The following MAML2 variants were observed in gnomAD, a reference collection of about 807,000 sequenced individuals.
MAML2 encodes mastermind-like protein 2.
A neutral mutation model predicts 96.1 loss-of-function variants in MAML2; 22 were observed. The ratio of observed to expected loss-of-function variants is 0.23; its 90% CI spans 0.16 to 0.33. The LOEUF (loss-of-function observed/expected upper bound fraction) is 0.33. Among genes scored for constraint, MAML2 ranks in the 10% least tolerant of loss-of-function variants. MAML2 has a pLI of 1.00. For missense variants in MAML2, 1,367 were observed against 1,392.4 expected (o/e 0.98, Z 0.29); for synonymous variants, 561 against 521.3 (o/e 1.08, Z -1.04).
chr11:96,113,607 AAAAAAAAAAAAG>A (rs1860173246), intron 1 of MAML2, among the ~76,000 whole-genome samples: 1 of 151,150 alleles, frequency 6.6e-6, no homozygotes, highest in East Asian at 1.9e-4. Context: ...GTTGTTTGAA[AAAAAAAAAAAAG>A]AAAAGAAAAA....
intron 1 of MAML2, among the ~76,000 whole-genome samples, chr11:96,230,212 A>T (rs1862273557): frequency 6.6e-6 from 1 of 152,226 alleles, no homozygotes; most frequent in African/African-American, 2.4e-5. Flanking sequence ...AGTCTAGGAT[A>T]GAATATGAGT....
At chr11:96,141,130 G>A (rs1860724338) in intron 1 of MAML2, among the ~76,000 whole-genome samples, 1 of 152,060 alleles carries the variant, frequency 6.6e-6, no homozygotes, top group Non-Finnish European at 1.5e-5. Context: ...GGTATATGGG[G>A]GAAGAAGGAT....
At chr11:96,332,712 G>A (rs181147149) in intron 1 of MAML2, among the ~76,000 whole-genome samples, 2 of 152,158 alleles carry the variant, frequency 1.3e-5, no homozygotes, top group Non-Finnish European at 2.9e-5. Context: ...AGACTTAGCC[G>A]GTTTAGCAAG....
intron 2 of MAML2, among the ~76,000 whole-genome samples, 189 bp from the exon 3 acceptor site, chr11:95,991,912 G>A (rs956857884): frequency 3.9e-5 from 6 of 152,138 alleles, no homozygotes; most frequent in African/African-American, 9.7e-5. Context: ...AGCAACCAAA[G>A]CAGCTGGGTT....
At chr11:96,025,205 A>G (rs12275999) in intron 2 of MAML2, among the ~76,000 whole-genome samples, 34,218 of 152,206 alleles carry the variant, frequency 0.22, 4,667 homozygotes, top group Non-Finnish European at 0.32. Context: ...ACACCATGGA[A>G]TACCCCACAG....
intron 1 of MAML2, among the ~76,000 whole-genome samples, chr11:96,244,628 G>A (rs1862487126): frequency 1.3e-5 from 2 of 152,110 alleles, no homozygotes; most frequent in Non-Finnish European, 2.9e-5. Flanking sequence ...TTCTTTACAT[G>A]CATTATTTCA....
intron 1 of MAML2, among the ~76,000 whole-genome samples, chr11:96,328,578 T>C (rs1240598276): frequency 6.6e-6 from 1 of 151,496 alleles, no homozygotes; most frequent in Non-Finnish European, 1.5e-5. Flanking sequence ...CATAAAGAAG[T>C]GACTGGAAGA....
intron 2 of MAML2, among the ~76,000 whole-genome samples, chr11:96,039,804 A>C (rs1458313760): frequency 6.6e-6 from 1 of 152,024 alleles, no homozygotes; most frequent in Non-Finnish European, 1.5e-5. Context: ...CTCAAAATAC[A>C]AAAATTAGCC....
chr11:96,326,664 G>T (rs1863789081), intron 1 of MAML2, among the ~76,000 whole-genome samples: 1 of 151,978 alleles, frequency 6.6e-6, no homozygotes, highest in Non-Finnish European at 1.5e-5. Context: ...CAGGTATGGT[G>T]TGATGGGCCC....
intron 2 of MAML2, among the ~76,000 whole-genome samples, chr11:96,080,816 T>C (rs1049557981): frequency 6.6e-6 from 1 of 152,214 alleles, no homozygotes; most frequent in South Asian, 2.1e-4. Flanking sequence ...TTTTGTTCTA[T>C]CTGAAGGAGT....
intron 1 of MAML2, among the ~76,000 whole-genome samples, chr11:96,249,405 A>G (rs1231923174): frequency 6.6e-6 from 1 of 152,132 alleles, no homozygotes; most frequent in Non-Finnish European, 1.5e-5. Context: ...CTTGCGCATG[A>G]ATTCCAGCTT....
chr11:96,195,722 A>G (rs190637362), intron 1 of MAML2, among the ~76,000 whole-genome samples: 176 of 152,360 alleles, frequency 1.2e-3, no homozygotes, highest in African/African-American at 4.0e-3. Flanking sequence ...ATATAATTGT[A>G]AAGTCTTTTA....
chr11:96,091,508 A>G (rs534826920), intron 2 of MAML2, among the ~76,000 whole-genome samples: 1 of 152,198 alleles, frequency 6.6e-6, no homozygotes, highest in South Asian at 2.1e-4. Flanking sequence ...AATACTCAGC[A>G]TAATAACAAC....
chr11:96,093,022 C>T lies in MAML2; in HGVS notation c.1009G>A (p.Asp337Asn), dbSNP rs548847958. ...CCCAAGTCAATGTTAAATGGGTCAT[C>T]CTGCTTTATGGTGGCATTGATCATG... ...ENMINATIKQ[D>N]DPFNIDLGQQ... Residue 337 changes from aspartate to asparagine, a missense_variant, in exon 2 of 5, where the codon GAT becomes AAT. Transcript: ENST00000524717. 2.7e-5 allele frequency: 43 copies of T among 1,613,998 alleles called. No homozygotes were observed. In the South Asian group the frequency reaches 4.5e-4, roughly 17 times the overall value.
chr11:95,992,203 T>C lies in MAML2; in HGVS notation c.2140-480A>G, dbSNP rs78841168. On this transcript the variant is annotated intron_variant, in intron 2 of 4. Transcript: ENST00000524717. ...GCATTTTGCCTTACCCAGCTTTCTG[T>C]GACAGAAAGGCAGGAAGGCCTCTAA... Among the ~76,000 whole-genome samples, 723 of 152,312 alleles carry C rather than the reference T, an allele frequency of 4.7e-3. 8 individuals carry two copies. Among genetic ancestry groups the C allele is most frequent in the African/African-American group, 0.015 (644 of 41,556 alleles).
At chr11:96,269,574 C>T (rs1453883343) in intron 1 of MAML2, among the ~76,000 whole-genome samples, 1 of 144,344 alleles carries the variant, frequency 6.9e-6, no homozygotes, top group African/African-American at 2.7e-5. Context: ...TGCAGTGGCA[C>T]AATCTCAGCT....
chr11:96,093,624 G>T, intron 1 of MAML2, 107 bp from the exon 2 acceptor site: 2 of 870,966 alleles, frequency 2.3e-6, no homozygotes, highest in Non-Finnish European at 3.5e-6. Context: ...TTACACACAA[G>T]ATTCAGTTTT....
At position 95,978,944 on chromosome 11, in the gene MAML2, T is replaced by C; in HGVS notation, c.*4A>G. On this transcript the variant is annotated 3_prime_UTR_variant, in exon 5 of 5. Transcript: ENST00000524717. ...GAGTTTGTAAATTGTCTTCCCTTTC[T>C]TCTTTAGGAATTGTTCCCCAAGATT... 6.3e-7 allele frequency: 1 copy of C among 1,599,290 alleles called. No homozygotes were observed. Among genetic ancestry groups the C allele is most frequent in the Non-Finnish European group, 8.5e-7 (1 of 1,173,132 alleles).
In MAML2 at chr11:96,243,058, A is replaced by G. The variant is rs187559223; in HGVS notation, c.513+98325T>C. On this transcript the variant is annotated intron_variant, in intron 1 of 4. Transcript: ENST00000524717. ...GGGACACACACACACACACATACACATACACACACACCCCCTCTTTGTTAA... is the reference window on the plus strand; with the variant it reads ...GGGACACACACACACACACATACACGTACACACACACCCCCTCTTTGTTAA... Among the ~76,000 whole-genome samples, 427 of 150,780 alleles carry G rather than the reference A, an allele frequency of 2.8e-3. 2 individuals carry two copies. Among genetic ancestry groups the G allele is most frequent in the African/African-American group, 9.0e-3 (368 of 41,112 alleles).
Sources: gnomAD v4.1 joint callset for allele counts (sites outside exome capture counted in the v4.1 genomes callset) on GRCh38, gnomAD v4.1.1 for gene constraint, MANE v1.5 for transcripts, NCBI Gene and HGNC (gene_info 2026-07-23, HGNC 2026-07-21) for gene names.